Variants in SPATA7 observed in about 807,000 individuals in gnomAD.
SPATA7 encodes spermatogenesis associated 7.
Under a neutral mutation model 51.8 loss-of-function variants are expected in SPATA7, and 43 were observed. The ratio of observed to expected loss-of-function variants is 0.83; its 90% CI spans 0.65 to 1.07. The LOEUF is 1.07. Among genes scored for constraint, SPATA7 ranks in the 50% least tolerant of loss-of-function variants. The pLI is 0.00. For missense variants in SPATA7, 683 were observed against 701.3 expected (o/e 0.97, Z 0.30); for synonymous variants, 230 against 252.8 (o/e 0.91, Z 0.86).
At chr14:88,412,488 C>T (rs2076368581) in intron 4 of SPATA7, among the ~76,000 whole-genome samples, 1 of 152,014 alleles carries the variant, frequency 6.6e-6, no homozygotes, top group Admixed American at 6.6e-5. Context: ...CCAGCCTCAA[C>T]CCTTCACGTT....
intron 5 of SPATA7, among the ~76,000 whole-genome samples, chr14:88,424,175 G>A (rs1030237837): frequency 1.3e-5 from 2 of 152,112 alleles, no homozygotes; most frequent in African/African-American, 4.8e-5. Context: ...GTGATCTGCT[G>A]TTCATGTTTT....
chr14:88,468,061 G>T (rs1458086245), intron 4 of SPATA7: 2 of 1,535,062 alleles, frequency 1.3e-6, no homozygotes, highest in Admixed American at 1.8e-5. Context: ...CAACGGGAAA[G>T]TATGAGTTAG....
chr14:88,456,107 C>T (rs938378324), downstream of SPATA7, among the ~76,000 whole-genome samples: 1 of 152,054 alleles, frequency 6.6e-6, no homozygotes, highest in Admixed American at 6.6e-5. Flanking sequence ...TGCCACATTT[C>T]CTTAATCTAG....
chr14:88,385,794 T>C lies in SPATA7; in HGVS notation c.-25T>C. On this transcript the variant is annotated 5_prime_UTR_variant, in exon 1 of 12. Transcript: ENST00000393545. ...GACCGAAGGGGATACAGCGTGTCCC[T>C]GCGGCGGCTGCAAGAGGACTAAGCA... 6.2e-7 allele frequency: 1 copy of C among 1,601,782 alleles called. No individual in the cohort carries two copies. The highest frequency in any genetic ancestry group is 8.5e-7 in the Non-Finnish European group (1 of 1,174,030).
chr14:88,393,270 T>G (rs2075791714), intron 2 of SPATA7, 123 bp from the exon 3 acceptor site: 2 of 700,232 alleles, frequency 2.9e-6, no homozygotes, highest in Admixed American at 4.9e-5. Context: ...CAATGTCATA[T>G]ATCAATATCT....
intron 7 of SPATA7, chr14:88,428,856 T>C (rs2076865761): frequency 6.1e-6 from 1 of 164,358 alleles, no homozygotes; most frequent in Admixed American, 5.9e-5. Flanking sequence ...TTGAATCTAA[T>C]GATGTGAGTA....
At chr14:88,385,984 C>A in intron 1 of SPATA7, 147 bp downstream of exon 1, 1 of 1,511,494 alleles carries the variant, frequency 6.6e-7, no homozygotes, top group South Asian at 1.2e-5. Flanking sequence ...CTGGAGCTGC[C>A]CAGGCCTGCG....
chr14:88,416,563 T>G, intron 4 of SPATA7, 148 bp from the exon 5 acceptor site: 1 of 702,518 alleles, frequency 1.4e-6, no homozygotes, highest in Admixed American at 2.9e-5. Flanking sequence ...AATGTGTTAG[T>G]AACTCTTTAT....
At chr14:88,417,467 A>T (rs1157728187) in intron 5 of SPATA7, among the ~76,000 whole-genome samples, 1 of 151,764 alleles carries the variant, frequency 6.6e-6, no homozygotes, top group Non-Finnish European at 1.5e-5. Flanking sequence ...CCACGACTCC[A>T]GCTAATTTTT....
intron 4 of SPATA7, among the ~76,000 whole-genome samples, chr14:88,401,836 CAA>C (rs57942112): frequency 0.026 from 869 of 33,120 alleles, 6 homozygotes; most frequent in African/African-American, 0.089. Context: ...GACCCTGTCT[CAA>C]AAAAAAAAAA....
rs1323877247 is a variant in SPATA7, at chr14:88,385,678, C to T, written c.-141C>T. 1 of 818,434 alleles carries T rather than the reference C, an allele frequency of 1.2e-6. No individual in the cohort carries two copies. The highest frequency in any genetic ancestry group is 2.0e-5 in the Admixed American group (1 of 50,070). 50.7% of individuals were successfully genotyped at this position (818,434 alleles called of 1,614,324 possible). A position where few individuals can be genotyped will look rare whatever the true frequency, so the allele number is the denominator to read the frequency against. On this transcript the variant is annotated 5_prime_UTR_variant, in exon 1 of 12. In the 5' UTR this introduces an upstream ATG that the reference lacks. Coordinates refer to ENST00000393545, the MANE Select transcript of SPATA7 (RefSeq NM_018418.5). ...ACTCACTGGACCCAGCCCTTAGCAA[C>T]GGCCTGGCAACGGTTTCCCTGCTGC...
chr14:88,444,684 G>A (rs947179158), intron 3 of SPATA7, among the ~76,000 whole-genome samples: 2 of 152,170 alleles, frequency 1.3e-5, no homozygotes, highest in Non-Finnish European at 2.9e-5. Flanking sequence ...AAGGGATCCA[G>A]TTTCAGCTTT....
chr14:88,413,577 G>A (rs1455437006), intron 4 of SPATA7, among the ~76,000 whole-genome samples: 2 of 152,122 alleles, frequency 1.3e-5, no homozygotes, highest in Non-Finnish European at 2.9e-5. Context: ...GACTCCAGTA[G>A]TATGTTGAAT....
chr14:88,419,628 G>A (rs184377579), intron 5 of SPATA7, among the ~76,000 whole-genome samples: 1 of 150,782 alleles, frequency 6.6e-6, no homozygotes, highest in Non-Finnish European at 1.5e-5. Context: ...CCGGGTTCAC[G>A]CCATTCTCCT....
downstream of SPATA7, among the ~76,000 whole-genome samples, chr14:88,458,395 T>C (rs1293521851): frequency 6.6e-6 from 1 of 152,218 alleles, no homozygotes; most frequent in African/African-American, 2.4e-5. Flanking sequence ...ATTGCCTCAA[T>C]TTCAGATCCT....
intron 4 of SPATA7, among the ~76,000 whole-genome samples, chr14:88,464,539 T>A (rs982837320): frequency 1.3e-5 from 2 of 152,102 alleles, no homozygotes. Flanking sequence ...GAGACCAGCC[T>A]GGCCAACATG....
At chr14:88,398,583 A>G (rs2075965946) in intron 4 of SPATA7, among the ~76,000 whole-genome samples, 1 of 151,734 alleles carries the variant, frequency 6.6e-6, no homozygotes, top group African/African-American at 2.4e-5. Flanking sequence ...TACATATGTA[A>G]CTAACCTGCA....
At chr14:88,462,095 A>G (rs2077321322) in intron 4 of SPATA7, among the ~76,000 whole-genome samples, 1 of 152,190 alleles carries the variant, frequency 6.6e-6, no homozygotes, top group South Asian at 2.1e-4. Flanking sequence ...AGATTAAATT[A>G]CATTTCAATA....
downstream of SPATA7, among the ~76,000 whole-genome samples, chr14:88,455,593 A>G (rs896758122): frequency 6.6e-5 from 10 of 152,172 alleles, no homozygotes; most frequent in Non-Finnish European, 1.5e-4. Flanking sequence ...TTACAAACCA[A>G]TAACAGTTTA....
Sources: allele counts gnomAD v4.1 joint callset (sites outside exome capture counted in the v4.1 genomes callset), GRCh38; gene constraint gnomAD v4.1.1; transcripts MANE v1.5; gene names NCBI Gene and HGNC (gene_info 2026-07-23, HGNC 2026-07-21).